The following TMEM268 variants were observed in gnomAD, a reference collection of about 807,000 sequenced individuals.
TMEM268 encodes the protein transmembrane protein 268, also known as transmembrane protein C9orf91.
Under a neutral mutation model 39.1 loss-of-function variants are expected in TMEM268, and 24 were observed. The ratio of observed to expected loss-of-function variants is 0.61; its 90% CI spans 0.44 to 0.86. The LOEUF (loss-of-function observed/expected upper bound fraction) is 0.86, where lower values mean the gene tolerates loss of function less well. Among genes scored for constraint, TMEM268 ranks in the 40% least tolerant of loss-of-function variants. The pLI is 0.00. For missense variants in TMEM268, 409 were observed against 428.6 expected, an observed-to-expected ratio of 0.95 and a Z score of 0.40; for synonymous variants, 176 against 173.5, an observed-to-expected ratio of 1.01 and a Z score of -0.12.
At chr9:114,624,659 G>A (rs758444026) in intron 3 of TMEM268, among the ~76,000 whole-genome samples, 200 bp downstream of exon 3, 67 of 152,244 alleles carry the variant, frequency 4.4e-4, no homozygotes, top group Admixed American at 1.4e-3. Context: ...ATTTTTTTGG[G>A]TGCCCACTCT....
At chr9:114,637,200 T>G in intron 7 of TMEM268, 130 bp downstream of exon 7, 2 of 578,914 alleles carry the variant, frequency 3.5e-6, no homozygotes, top group Non-Finnish European at 6.3e-6. Flanking sequence ...AATCAGTGGT[T>G]GTTTTGCCTA....
At chr9:114,620,336 C>T (rs1183778967) in intron 2 of TMEM268, among the ~76,000 whole-genome samples, 1 of 152,112 alleles carries the variant, frequency 6.6e-6, no homozygotes, top group African/African-American at 2.4e-5. Flanking sequence ...CCTTGACCTC[C>T]CAGGCTCAGG....
At chr9:114,633,510 A>G (rs1267814081) in intron 5 of TMEM268, among the ~76,000 whole-genome samples, 1 of 151,958 alleles carries the variant, frequency 6.6e-6, no homozygotes, top group Admixed American at 6.6e-5. Context: ...ATCTCGCTAC[A>G]TTGTCCAGGC....
chr9:114,634,291 A>C (rs1846533449), intron 6 of TMEM268, among the ~76,000 whole-genome samples: 1 of 152,186 alleles, frequency 6.6e-6, no homozygotes, highest in South Asian at 2.1e-4. Flanking sequence ...GCCTTATAGC[A>C]AACGGACAGC....
intron 2 of TMEM268, among the ~76,000 whole-genome samples, chr9:114,622,939 A>G (rs1223289893): frequency 1.3e-5 from 2 of 151,902 alleles, no homozygotes; most frequent in Non-Finnish European, 2.9e-5. Flanking sequence ...GAAATACAAA[A>G]ATTAGCCAGG....
At chr9:114,637,342 G>A (rs1846686187) in intron 7 of TMEM268, among the ~76,000 whole-genome samples, 1 of 149,746 alleles carries the variant, frequency 6.7e-6, no homozygotes, top group Non-Finnish European at 1.5e-5. Flanking sequence ...GCCCAGACTG[G>A]AGTGCAGTAG....
chr9:114,616,840 C>T (rs982388471), intron 1 of TMEM268, among the ~76,000 whole-genome samples: 4 of 152,144 alleles, frequency 2.6e-5, no homozygotes, highest in African/African-American at 4.8e-5. Context: ...CTGGTCAGCT[C>T]TTGAGTTCCC....
chr9:114,643,584 G>T lies in TMEM268; in HGVS notation c.*271G>T. The T allele has an allele frequency of 2.4e-6, 1 of 409,706 alleles. No individual in the cohort carries two copies. The highest frequency in any genetic ancestry group is 4.5e-6 in the Non-Finnish European group (1 of 224,464). The allele number at this position is 409,706 out of a possible 1,614,324, so 25.4% of individuals were successfully genotyped here. A position where few individuals can be genotyped will look rare whatever the true frequency, so the allele number is the denominator to read the frequency against. On this transcript the variant is annotated 3_prime_UTR_variant, in exon 9 of 9. Coordinates refer to ENST00000288502, the MANE Select transcript of TMEM268 (RefSeq NM_153045.4). Reference sequence around the variant, plus strand: ...CCAAAGCTACTCTCTCTGCTGCTTAGAACTGTGGACACGTATGGAAAGACT... The same window carrying T: ...CCAAAGCTACTCTCTCTGCTGCTTATAACTGTGGACACGTATGGAAAGACT...
intron 1 of TMEM268, among the ~76,000 whole-genome samples, chr9:114,613,743 CTTTTTTGTTT>C (rs1038230785): frequency 6.6e-6 from 1 of 152,066 alleles, no homozygotes; most frequent in African/African-American, 2.4e-5. Context: ...TTGACTCACT[CTTTTTTGTTT>C]TGTTTTGTTT....
chr9:114,641,729 G>A (rs1457667944), intron 8 of TMEM268, among the ~76,000 whole-genome samples: 6 of 152,014 alleles, frequency 3.9e-5, no homozygotes, highest in South Asian at 2.1e-4. Flanking sequence ...CTCTGCCTCC[G>A]GGTTCAAGTG....
In TMEM268 at chr9:114,633,754, C is replaced by T. The variant is rs770679052; in HGVS notation, c.475-14C>T. 3.0e-5 allele frequency: 45 copies of T among 1,490,178 alleles called. No individual in the cohort carries two copies. Among genetic ancestry groups the T allele is most frequent in the Middle Eastern group, 1.9e-4 (1 of 5,138 alleles). The allele number at this position is 1,490,178 out of a possible 1,614,324, so 92.3% of individuals were successfully genotyped here. A position where few individuals can be genotyped will look rare whatever the true frequency, so the allele number is the denominator to read the frequency against. ...CATGGAGGTCTGGTGATGGGCCTGG[C>T]GTTTGTCTTACAGGCCAACACCAAC... On this transcript the variant is annotated splice_polypyrimidine_tract_variant and intron_variant, in intron 5 of 8. Coordinates refer to ENST00000288502, the MANE Select transcript of TMEM268 (RefSeq NM_153045.4).
rs1189411291 is a variant in TMEM268 at position 114,617,269 on chromosome 9, T to A, written c.74T>A (p.Leu25Gln). ...CCCTCCTCCCCTGGCTGGAGTGCCC[T>A]GCCTGGAGGGAGCCCTCCTGGCTGG... is the stretch of plus-strand genomic sequence containing the variant. The part of the protein sequence containing the change: ...LPPSSPGWSA[L>Q]PGGSPPGWGQ... Residue 25 changes from leucine (L) to glutamine (Q), a missense_variant, in exon 2 of 9, where the codon CTG becomes CAG. Transcript: ENST00000288502. 1.2e-6 allele frequency: 2 copies of A among 1,613,612 alleles called. No homozygotes were observed. The highest frequency in any genetic ancestry group is 2.2e-5 in the South Asian group (2 of 91,062).
intron 5 of TMEM268, 27 bp downstream of exon 5, chr9:114,628,277 ACT>A (rs752496400): frequency 4.9e-5 from 79 of 1,608,234 alleles, no homozygotes; most frequent in Non-Finnish European, 6.5e-5. Flanking sequence ...TCCCTGCCAC[ACT>A]CTCTCCAGAA....
intron 5 of TMEM268, among the ~76,000 whole-genome samples, chr9:114,630,854 C>A (rs896692126): frequency 2.6e-5 from 4 of 152,198 alleles, no homozygotes; most frequent in African/African-American, 9.6e-5. Context: ...GGACCTCCTC[C>A]TCCCTGGATC....
In TMEM268 at chr9:114,633,706, A is replaced by G. The variant is rs1846504117; in HGVS notation, c.475-62A>G. The G allele has an allele frequency of 1.6e-5, 14 of 870,438 alleles. No individual in the cohort carries two copies. The South Asian group carries it at 2.5e-4, about 15-fold the overall frequency. The allele number at this position is 870,438 out of a possible 1,614,324, so 53.9% of individuals were successfully genotyped here. ...GTGGGATGGTGTGTTTCTACTGCCC[A>G]GAGCCTGGGAGCTCCCCAGTAGCAT... On this transcript the variant is annotated intron_variant, in intron 5 of 8. Coordinates refer to ENST00000288502, the MANE Select transcript of TMEM268 (RefSeq NM_153045.4).
intron 2 of TMEM268, chr9:114,622,029 A>C: frequency 1.4e-5 from 13 of 899,754 alleles, no homozygotes; most frequent in Non-Finnish European, 1.6e-5. Context: ...TTAGGAGGCT[A>C]CTGCAGAGGG....
intron 3 of TMEM268, among the ~76,000 whole-genome samples, 191 bp downstream of exon 3, chr9:114,624,650 T>G (rs2133636596): frequency 6.6e-6 from 1 of 152,366 alleles, no homozygotes; most frequent in Non-Finnish European, 1.5e-5. Context: ...CAAATGTGTA[T>G]TTTTTTGGGT....
Position 114,627,001 on chromosome 9 carries a change from G to T in TMEM268, c.319G>T (p.Ala107Ser), listed in dbSNP as rs201504427. 10 of 1,610,428 alleles carry T rather than the reference G, an allele frequency of 6.2e-6. No individual in the cohort carries two copies. Among genetic ancestry groups the T allele is most frequent in the Non-Finnish European group, 8.5e-6 (10 of 1,177,014 alleles). ...CTCGAGGCCTATGCGGCTGGCCTTTGCTGTGGTAAGGGGGAGGTGGCCCGC... is the reference window on the plus strand; with the variant it reads ...CTCGAGGCCTATGCGGCTGGCCTTTTCTGTGGTAAGGGGGAGGTGGCCCGC... ...YNSRPMRLAF[A>S]VVFYVVVWAN... is the part of the protein sequence containing the mutation. Residue 107 changes from alanine (A) to serine (S), a missense_variant, in exon 4 of 9, where the codon GCT becomes TCT. Transcript: ENST00000288502.
chr9:114,641,044 T>G (rs901436233), intron 8 of TMEM268, among the ~76,000 whole-genome samples: 3 of 152,020 alleles, frequency 2.0e-5, no homozygotes, highest in Non-Finnish European at 4.4e-5. Flanking sequence ...GCTGGCTAAT[T>G]TTTGTATTTT....
Sources: gnomAD v4.1 joint callset for allele counts (sites outside exome capture counted in the v4.1 genomes callset) on GRCh38, gnomAD v4.1.1 for gene constraint, MANE v1.5 for transcripts, NCBI Gene and HGNC (gene_info 2026-07-23, HGNC 2026-07-21) for gene names.